Variants in PRDM11 observed in about 807,000 individuals in gnomAD.
The protein encoded by PRDM11 is PR domain-containing protein 11.
In PRDM11, 20 loss-of-function variants were observed where a neutral mutation model predicts 97.8. The observed-to-expected ratio is 0.20, with a 90% CI of 0.14 to 0.30. The LOEUF (loss-of-function observed/expected upper bound fraction) is 0.30. Among genes scored for constraint, PRDM11 ranks in the 10% least tolerant of loss-of-function variants. The probability of loss-of-function intolerance (pLI) is 1.00; values close to 1 mark genes in which losing one functional copy is unlikely to be tolerated. For missense variants in PRDM11, 1,139 were observed against 1,555.2 expected (o/e 0.73, Z 4.50); for synonymous variants, 599 against 637.7 (o/e 0.94, Z 0.91).
chr11:45,199,681 C>T (rs1853257288), intron 4 of PRDM11, among the ~76,000 whole-genome samples: 1 of 152,206 alleles, frequency 6.6e-6, no homozygotes, highest in African/African-American at 2.4e-5. Flanking sequence ...TTCTGGGGGG[C>T]TTGTCCTGAG....
intron 1 of PRDM11, among the ~76,000 whole-genome samples, chr11:45,108,913 T>C (rs12295480): frequency 0.13 from 20,063 of 152,292 alleles, 1,540 homozygotes; most frequent in Middle Eastern, 0.22. Context: ...TCTCAAAAAA[T>C]ACACGCAGAT....
chr11:45,103,758 A>ATATATAACATATATATTATATATAAAT (rs1291533751), intron 1 of PRDM11, among the ~76,000 whole-genome samples: 23 of 147,972 alleles, frequency 1.6e-4, no homozygotes, highest in East Asian at 3.9e-4. Flanking sequence ...TAAACATATA[A>ATATATAACATATATATTATATATAAAT]TATATAACAT....
chr11:45,188,536 T>C (rs1852791533), intron 4 of PRDM11, among the ~76,000 whole-genome samples: 1 of 152,250 alleles, frequency 6.6e-6, no homozygotes, highest in South Asian at 2.1e-4. Flanking sequence ...TCCCTCTTTG[T>C]CTTCGCTTAA....
At chr11:45,158,705 G>A (rs1051060386) in intron 1 of PRDM11, among the ~76,000 whole-genome samples, 1 of 152,110 alleles carries the variant, frequency 6.6e-6, no homozygotes, top group African/African-American at 2.4e-5. Flanking sequence ...GGACAGCTGA[G>A]CCTAACTCAG....
intron 1 of PRDM11, among the ~76,000 whole-genome samples, chr11:45,180,500 G>A (rs955330454): frequency 2.0e-5 from 3 of 151,780 alleles, no homozygotes; most frequent in African/African-American, 7.3e-5. Context: ...CCTGGAATGC[G>A]TCCACCGCCT....
intron 1 of PRDM11, among the ~76,000 whole-genome samples, chr11:45,102,514 C>T (rs1851995377): frequency 6.6e-6 from 1 of 152,150 alleles, no homozygotes; most frequent in Admixed American, 6.5e-5. Flanking sequence ...CTCTGCAATC[C>T]AGCCACTCCC....
intron 1 of PRDM11, among the ~76,000 whole-genome samples, chr11:45,122,074 C>G (rs573242234): frequency 6.6e-6 from 1 of 151,422 alleles, no homozygotes; most frequent in South Asian, 2.1e-4. Context: ...AAGATGAAAG[C>G]AGAAATCAAA....
chr11:45,134,701 G>GAAAAAAAAAAAAAAAAAA lies in PRDM11; in HGVS notation c.96+38808_96+38825dup. 1.2e-3 allele frequency among the ~76,000 whole-genome samples: 55 copies of GAAAAAAAAAAAAAAAAAA among 44,272 alleles called. 3 individuals carry two copies. The highest frequency in any genetic ancestry group is 3.1e-3 in the African/African-American group (29 of 9,406). The allele number at this position is 44,272 out of a possible 152,430, so 29.0% of individuals were successfully genotyped here. A position where few individuals can be genotyped will look rare whatever the true frequency, so the allele number is the denominator to read the frequency against. On this transcript the variant is annotated intron_variant, in intron 1 of 6. Coordinates refer to the PRDM11 transcript ENST00000530656. Reference sequence around the variant, plus strand: ...GCAACAGAGTGAGACCCTGTCTCACGAAAAAAAAAAAAAAAAAAAAAAAAA... The same window carrying GAAAAAAAAAAAAAAAAAA: ...GCAACAGAGTGAGACCCTGTCTCACGAAAAAAAAAAAAAAAAAAAAAAAAAAAAAAAAAAAAAAAAAAA...
At chr11:45,109,675 C>T (rs138062767) in intron 1 of PRDM11, among the ~76,000 whole-genome samples, 95 of 152,266 alleles carry the variant, frequency 6.2e-4, no homozygotes, top group Non-Finnish European at 1.3e-3. Context: ...GAAGTGCTTT[C>T]TGAGTCAGAT....
rs201157932 is a variant in PRDM11 at position 45,228,869 on chromosome 11, GT to G, written c.*712del. ...CCTCTGTTGCCTCGTCCATCCCTGG[GT>G]TGTGGATCCCTTCCTTCCAGCCCCC... On this transcript the variant is annotated 3_prime_UTR_variant, in exon 8 of 8. Transcript: ENST00000683152. 1,571 of 152,322 alleles carry G rather than the reference GT, an allele frequency of 0.01. 25 individuals carry two copies. The highest frequency in any genetic ancestry group is 0.035 in the African/African-American group (1,471 of 41,526). The allele number at this position is 152,322 out of a possible 1,614,324, so 9.4% of individuals were successfully genotyped here.
chr11:45,131,051 G>A (rs1852708485), intron 1 of PRDM11, among the ~76,000 whole-genome samples: 1 of 152,150 alleles, frequency 6.6e-6, no homozygotes, highest in South Asian at 2.1e-4. Flanking sequence ...ATATAATGGG[G>A]ATACCACACA....
intron 1 of PRDM11, among the ~76,000 whole-genome samples, chr11:45,170,622 G>A (rs113687544): frequency 6.7e-6 from 1 of 148,472 alleles, no homozygotes; most frequent in Non-Finnish European, 1.5e-5. Flanking sequence ...AAACTGTCAG[G>A]CCAGCACACT....
chr11:45,202,267 C>T (rs562558765), intron 4 of PRDM11, among the ~76,000 whole-genome samples: 6 of 152,328 alleles, frequency 3.9e-5, no homozygotes, highest in East Asian at 3.9e-4. Flanking sequence ...CATTAGCTTA[C>T]GGTCTAGCCA....
At chr11:45,162,446 A>C (rs1192851465) in intron 1 of PRDM11, among the ~76,000 whole-genome samples, 1 of 152,148 alleles carries the variant, frequency 6.6e-6, no homozygotes, top group Non-Finnish European at 1.5e-5. Context: ...TTCTAGATGT[A>C]GGCCCTCACA....
At chr11:45,163,539 C>G (rs1259038076) in intron 1 of PRDM11, among the ~76,000 whole-genome samples, 1 of 152,156 alleles carries the variant, frequency 6.6e-6, no homozygotes, top group Non-Finnish European at 1.5e-5. Context: ...TCAGCTGCTC[C>G]TGATCGTAGG....
intron 1 of PRDM11, among the ~76,000 whole-genome samples, chr11:45,179,984 A>G (rs922588548): frequency 6.6e-6 from 1 of 152,204 alleles, no homozygotes; most frequent in African/African-American, 2.4e-5. Context: ...TGGCAGCTGG[A>G]CTTCTGAGCT....
At chr11:45,199,468 C>T (rs1338420462) in intron 4 of PRDM11, among the ~76,000 whole-genome samples, 1 of 152,234 alleles carries the variant, frequency 6.6e-6, no homozygotes, top group African/African-American at 2.4e-5. Flanking sequence ...GATGATGGCT[C>T]TGCTTTCTCA....
At chr11:45,098,557 C>T (rs553593404) in intron 1 of PRDM11, among the ~76,000 whole-genome samples, 1 of 152,246 alleles carries the variant, frequency 6.6e-6, no homozygotes, top group East Asian at 1.9e-4. Context: ...TGCCCAGGCT[C>T]GCACAGCTAT....
intron 4 of PRDM11, among the ~76,000 whole-genome samples, chr11:45,195,940 A>G (rs1409439864): frequency 1.3e-5 from 2 of 152,190 alleles, no homozygotes; most frequent in Non-Finnish European, 1.5e-5. Flanking sequence ...CCATTGATGG[A>G]CAGTCTCTGC....
Sources: gnomAD v4.1 joint callset for allele counts (sites outside exome capture counted in the v4.1 genomes callset) on GRCh38, gnomAD v4.1.1 for gene constraint, MANE v1.5 for transcripts, NCBI Gene and HGNC (gene_info 2026-07-23, HGNC 2026-07-21) for gene names.